The following BPGM variants were observed in gnomAD, a reference collection of about 807,000 sequenced individuals.
BPGM encodes bisphosphoglycerate mutase, also known as 2,3-bisphosphoglycerate mutase, erythrocyte.
Under a neutral mutation model 21.6 loss-of-function variants are expected in BPGM, and 15 were observed. The observed-to-expected ratio is 0.70, with a 90% CI of 0.47 to 1.07. The LOEUF is 1.07. BPGM is among the 50% of genes least tolerant of loss of function. The pLI, the probability that BPGM is intolerant of heterozygous loss-of-function variation, is 0.00. For synonymous variants in BPGM, 113 were observed against 116.2 expected, an observed-to-expected ratio of 0.97 and a Z score of 0.18; for missense variants, 273 against 319.0, an observed-to-expected ratio of 0.86 and a Z score of 1.10.
intron 1 of BPGM, among the ~76,000 whole-genome samples, chr7:134,655,165 A>G (rs1296957478): frequency 6.6e-6 from 1 of 152,222 alleles, no homozygotes; most frequent in Non-Finnish European, 1.5e-5. Context: ...CAAAACAAAA[A>G]AAATAAAGCT....
intron 1 of BPGM, among the ~76,000 whole-genome samples, chr7:134,648,418 A>T (rs1016124352): frequency 6.6e-6 from 1 of 152,082 alleles, no homozygotes; most frequent in African/African-American, 2.4e-5. Context: ...TACAGGTGTG[A>T]GCTACCGCGC....
At chr7:134,669,890 C>G (rs17167985) in intron 2 of BPGM, among the ~76,000 whole-genome samples, 10,679 of 152,080 alleles carry the variant, frequency 0.07, 734 homozygotes, top group African/African-American at 0.18. Flanking sequence ...AAGCAGGGCC[C>G]ACCTCTGACT....
intron 1 of BPGM, among the ~76,000 whole-genome samples, chr7:134,652,080 T>C (rs1414285992): frequency 6.6e-6 from 1 of 152,236 alleles, no homozygotes. Flanking sequence ...CTCAGACTGA[T>C]TTAAATGTCT....
rs200244541 is a variant in BPGM at position 134,678,885 on chromosome 7, C to G, written c.634C>G (p.Leu212Val). Residue 212 changes from leucine to valine, a missense_variant, in exon 3 of 3, where the codon CTT becomes GTT. Coordinates refer to ENST00000344924, the MANE Select transcript of BPGM (RefSeq NM_001724.5). Reference sequence around the variant, plus strand: ...AGATGAAGACATCATCAACATTACTCTTCCTACTGGAGTCCCCATTCTTCT... The same window carrying G: ...AGATGAAGACATCATCAACATTACTGTTCCTACTGGAGTCCCCATTCTTCT... ...ISDEDIINIT[L>V]PTGVPILLEL... 127 of 1,614,116 alleles carry G rather than the reference C, an allele frequency of 7.9e-5. No homozygotes were observed. In the East Asian group the frequency reaches 2.8e-3, roughly 36 times the overall value.
At chr7:134,668,085 G>A (rs574567759) in intron 2 of BPGM, among the ~76,000 whole-genome samples, 65 of 152,096 alleles carry the variant, frequency 4.3e-4, no homozygotes, top group Non-Finnish European at 8.2e-4. Flanking sequence ...ACAGTAAAGA[G>A]TGTTGGTTCT....
At chr7:134,647,483 G>C (rs530969259) in intron 1 of BPGM, among the ~76,000 whole-genome samples, 2 of 152,192 alleles carry the variant, frequency 1.3e-5, no homozygotes, top group Non-Finnish European at 2.9e-5. Flanking sequence ...AAATAAAAAC[G>C]TAAGTGTATT....
At chr7:134,666,118 G>A (rs1222302731) in intron 2 of BPGM, among the ~76,000 whole-genome samples, 1 of 152,064 alleles carries the variant, frequency 6.6e-6, no homozygotes, top group Non-Finnish European at 1.5e-5. Flanking sequence ...GGCCTCAAGC[G>A]ATCTACCCAC....
At chr7:134,677,299 G>C (rs1411993905) in intron 2 of BPGM, among the ~76,000 whole-genome samples, 1 of 152,142 alleles carries the variant, frequency 6.6e-6, no homozygotes, top group African/African-American at 2.4e-5. Context: ...TGGAGGTCCA[G>C]AGAAGTTACT....
intron 2 of BPGM, among the ~76,000 whole-genome samples, chr7:134,678,144 T>C (rs781276976): frequency 1.3e-5 from 2 of 152,256 alleles, no homozygotes; most frequent in Non-Finnish European, 2.9e-5. Context: ...ACAGCTCTTC[T>C]GGTCCAAGTT....
At chr7:134,650,338 G>A (rs934841423) in intron 1 of BPGM, among the ~76,000 whole-genome samples, 2 of 152,152 alleles carry the variant, frequency 1.3e-5, no homozygotes, top group Non-Finnish European at 2.9e-5. Flanking sequence ...ATATCTCTTC[G>A]CCATGAGTAG....
chr7:134,665,906 C>A (rs1003939563), intron 2 of BPGM, among the ~76,000 whole-genome samples: 1 of 150,670 alleles, frequency 6.6e-6, no homozygotes, highest in African/African-American at 2.5e-5. Context: ...TAGACAAAGT[C>A]TCGCTGTGTT....
intron 1 of BPGM, among the ~76,000 whole-genome samples, chr7:134,658,103 AT>A (rs796196496): frequency 8.0e-5 from 12 of 150,380 alleles, no homozygotes; most frequent in East Asian, 5.8e-4. Flanking sequence ...ACACGTTTTC[AT>A]TTTTTTTTTA....
At chr7:134,656,193 G>A (rs1562967381) in intron 1 of BPGM, among the ~76,000 whole-genome samples, 1 of 152,156 alleles carries the variant, frequency 6.6e-6, no homozygotes, top group Non-Finnish European at 1.5e-5. Context: ...TAAAGTTTGA[G>A]AACCACTGGC....
At chr7:134,653,787 T>C (rs1048871586) in intron 1 of BPGM, among the ~76,000 whole-genome samples, 7 of 152,212 alleles carry the variant, frequency 4.6e-5, no homozygotes, top group African/African-American at 7.2e-5. Flanking sequence ...GCCAAAAGAA[T>C]GCTAATCTTG....
chr7:134,668,891 A>AC (rs1554412483), intron 2 of BPGM, among the ~76,000 whole-genome samples: 2 of 151,788 alleles, frequency 1.3e-5, no homozygotes, highest in African/African-American at 4.8e-5. Flanking sequence ...ATCGGGAAAT[A>AC]ACAGATTGGT....
At chr7:134,663,390 G>GTT (rs1795767224) in intron 2 of BPGM, among the ~76,000 whole-genome samples, 1 of 151,344 alleles carries the variant, frequency 6.6e-6, no homozygotes, top group African/African-American at 2.4e-5. Flanking sequence ...GTGTGTTTGT[G>GTT]TGTGTGCACG....
At chr7:134,678,297 C>T (rs1209852466) in intron 2 of BPGM, among the ~76,000 whole-genome samples, 2 of 152,204 alleles carry the variant, frequency 1.3e-5, no homozygotes, top group East Asian at 3.8e-4. Flanking sequence ...AAATCCCTTC[C>T]TGATTCCCTT....
intron 2 of BPGM, among the ~76,000 whole-genome samples, chr7:134,666,184 A>G (rs886740179): frequency 6.6e-6 from 1 of 152,166 alleles, no homozygotes; most frequent in African/African-American, 2.4e-5. Flanking sequence ...CTGGCCATTA[A>G]TGACATTTTA....
intron 1 of BPGM, among the ~76,000 whole-genome samples, chr7:134,657,823 C>G (rs1210484760): frequency 6.6e-6 from 1 of 152,094 alleles, no homozygotes; most frequent in Non-Finnish European, 1.5e-5. Context: ...AAGCCCAGAG[C>G]ATTATGGGGA....
Sources: allele counts gnomAD v4.1 joint callset (sites outside exome capture counted in the v4.1 genomes callset), GRCh38; gene constraint gnomAD v4.1.1; transcripts MANE v1.5; gene names NCBI Gene and HGNC (gene_info 2026-07-23, HGNC 2026-07-21).